MID1: variants seen among roughly 807,000 people sequenced by gnomAD.
MID1 encodes E3 ubiquitin-protein ligase Midline-1.
A neutral mutation model predicts 40.4 loss-of-function variants in MID1; 7 were observed. The observed-to-expected ratio is 0.17, with a 90% CI of 0.10 to 0.33. The LOEUF is 0.33. MID1 is among the 10% of genes least tolerant of loss of function. The probability of loss-of-function intolerance (pLI) is 1.00; values close to 1 mark genes in which losing one functional copy is unlikely to be tolerated. For synonymous variants in MID1, 229 were observed against 221.2 expected, an observed-to-expected ratio of 1.04 and a Z score of -0.31; for missense variants, 367 against 558.5, an observed-to-expected ratio of 0.66 and a Z score of 3.46.
At chrX:10,688,162 CA>C (rs1272059694) in intron 1 of MID1, among the ~76,000 whole-genome samples, 1 of 112,032 alleles carries the variant, frequency 8.9e-6, no homozygotes, top group Non-Finnish European at 1.9e-5. Flanking sequence ...GCTGGCTAAA[CA>C]TTTTTTTAAA....
At chrX:10,763,754 A>G (rs1212350810) in intron 1 of MID1, among the ~76,000 whole-genome samples, 1 of 111,749 alleles carries the variant, frequency 8.9e-6, no homozygotes, top group East Asian at 2.8e-4. Flanking sequence ...GTCTTCCACA[A>G]TGGTTGAACT....
At chrX:10,573,974 G>C (rs1934806313) in intron 1 of MID1, among the ~76,000 whole-genome samples, 1 of 111,383 alleles carries the variant, frequency 9.0e-6, no homozygotes, top group Non-Finnish European at 1.9e-5. Context: ...CTGTCCTCCT[G>C]GTCACCAGAC....
intron 1 of MID1, among the ~76,000 whole-genome samples, chrX:10,722,504 A>G (rs1382756514): frequency 2.7e-5 from 3 of 112,432 alleles, no homozygotes; most frequent in Non-Finnish European, 5.6e-5. Flanking sequence ...CCAGTGATGA[A>G]AGCTACAAAA....
chrX:10,688,722 A>G (rs2147074833), intron 1 of MID1, among the ~76,000 whole-genome samples: 1 of 111,221 alleles, frequency 9.0e-6, no homozygotes. Context: ...TGTTAAATTC[A>G]TATACTGTAT....
At chrX:10,454,818 G>T in intron 9 of MID1, 52 bp downstream of exon 9, 1 of 1,041,744 alleles carries the variant, frequency 9.6e-7, no homozygotes, top group Non-Finnish European at 1.4e-6. Context: ...TCTAAGTACA[G>T]AATGAGATGT....
chrX:10,723,790 T>C (rs1367932248), intron 1 of MID1, among the ~76,000 whole-genome samples: 1 of 112,614 alleles, frequency 8.9e-6, no homozygotes, highest in Non-Finnish European at 1.9e-5. Flanking sequence ...TCCGCCTGCC[T>C]CGACCTCCCA....
intron 1 of MID1, among the ~76,000 whole-genome samples, chrX:10,584,462 TACTC>T (rs1180801550): frequency 1.8e-5 from 2 of 111,789 alleles, no homozygotes; most frequent in African/African-American, 3.3e-5. Flanking sequence ...TGTCAGTACT[TACTC>T]ACCAGCTTTT....
At chrX:10,673,349 C>A (rs1005068752) in intron 1 of MID1, among the ~76,000 whole-genome samples, 3 of 111,620 alleles carry the variant, frequency 2.7e-5, no homozygotes, top group African/African-American at 9.8e-5. Flanking sequence ...AGCGTACATG[C>A]AGACCGGGGC....
intron 2 of MID1, among the ~76,000 whole-genome samples, chrX:10,530,818 T>C (rs1482804550): frequency 8.9e-6 from 1 of 111,951 alleles, no homozygotes; most frequent in Non-Finnish European, 1.9e-5. Flanking sequence ...AGCAGACAAA[T>C]GCCCCTAATT....
At chrX:10,806,121 G>T (rs974127641) in intron 1 of MID1, among the ~76,000 whole-genome samples, 4 of 108,073 alleles carry the variant, frequency 3.7e-5, no homozygotes, top group Non-Finnish European at 7.7e-5. Context: ...CATTGCTTTT[G>T]GTGTTTTAGA....
chrX:10,550,313 T>G (rs1470428310), intron 2 of MID1, among the ~76,000 whole-genome samples: 1 of 112,251 alleles, frequency 8.9e-6, no homozygotes, highest in Non-Finnish European at 1.9e-5. Flanking sequence ...ATCTAGGGGA[T>G]AGCAGATAAT....
chrX:10,590,273 C>T (rs1278265684), intron 1 of MID1, among the ~76,000 whole-genome samples: 2 of 111,713 alleles, frequency 1.8e-5, no homozygotes, highest in African/African-American at 6.5e-5. Context: ...TTTAGTTTTG[C>T]TTCTCTTTCC....
intron 7 of MID1, among the ~76,000 whole-genome samples, chrX:10,465,156 C>G (rs1286930113): frequency 1.1e-5 from 1 of 93,853 alleles, no homozygotes; most frequent in African/African-American, 3.9e-5. Flanking sequence ...TGCACTCCAG[C>G]CTGGGCAGCA....
chrX:10,764,973 C>A (rs781247909), intron 1 of MID1, among the ~76,000 whole-genome samples: 3 of 112,234 alleles, frequency 2.7e-5, no homozygotes, highest in South Asian at 3.7e-4. Flanking sequence ...TACTCATACA[C>A]CATTTTTATT....
At chrX:10,659,205 C>T (rs925484680) in intron 1 of MID1, among the ~76,000 whole-genome samples, 19 of 111,971 alleles carry the variant, frequency 1.7e-4, no homozygotes, top group Admixed American at 2.8e-4. Flanking sequence ...CATTGCTTGG[C>T]GACCCCTGGG....
At chrX:10,543,583 C>T (rs956469939) in intron 2 of MID1, among the ~76,000 whole-genome samples, 1 of 111,461 alleles carries the variant, frequency 9.0e-6, no homozygotes, top group Admixed American at 9.6e-5. Flanking sequence ...TGGCTCACAC[C>T]TGTAATCCAA....
chrX:10,681,519 C>G (rs750945175), intron 1 of MID1, among the ~76,000 whole-genome samples: 12 of 112,188 alleles, frequency 1.1e-4, no homozygotes, highest in African/African-American at 3.9e-4. Context: ...GTGGCTTGGG[C>G]TCCCTCACAA....
At chrX:10,654,702 G>T (rs1464505644) in intron 1 of MID1, among the ~76,000 whole-genome samples, 1 of 112,075 alleles carries the variant, frequency 8.9e-6, no homozygotes, top group Non-Finnish European at 1.9e-5. Context: ...ATGGCCTGGG[G>T]ACTTGGGGGC....
intron 2 of MID1, among the ~76,000 whole-genome samples, chrX:10,562,236 G>A (rs1473697011): frequency 9.6e-6 from 1 of 103,642 alleles, no homozygotes; most frequent in Admixed American, 1.0e-4. Flanking sequence ...TGGGGCGAGC[G>A]GGGGAGAGCA....
Sources: gnomAD v4.1 joint callset for allele counts (sites outside exome capture counted in the v4.1 genomes callset) on GRCh38, gnomAD v4.1.1 for gene constraint, MANE v1.5 for transcripts, NCBI Gene and HGNC (gene_info 2026-07-23, HGNC 2026-07-21) for gene names.